The following CERKL variants were observed in gnomAD, a reference collection of about 807,000 sequenced individuals.
CERKL encodes CERK like autophagy regulator.
In CERKL, 61 loss-of-function variants were observed where a neutral mutation model predicts 63.4. The observed-to-expected ratio is 0.96, with a 90% CI of 0.78 to 1.19. The LOEUF (loss-of-function observed/expected upper bound fraction) is 1.19. Ranked by LOEUF, CERKL falls within the 50% of genes most tolerant of loss-of-function variation. The pLI is 0.00. For synonymous variants in CERKL, 250 were observed against 230.5 expected, an observed-to-expected ratio of 1.08 and a Z score of -0.77; for missense variants, 675 against 655.5, an observed-to-expected ratio of 1.03 and a Z score of -0.33.
At chr2:181,557,751 A>T (rs1483948137) in intron 5 of CERKL, among the ~76,000 whole-genome samples, 1 of 152,152 alleles carries the variant, frequency 6.6e-6, no homozygotes, top group Admixed American at 6.6e-5. Flanking sequence ...GGCATGTAGG[A>T]GCCTCCATGG....
At chr2:181,627,607 C>A (rs1485843297) in intron 1 of CERKL, among the ~76,000 whole-genome samples, 1 of 152,158 alleles carries the variant, frequency 6.6e-6, no homozygotes, top group African/African-American at 2.4e-5. Context: ...ATGAGTATTT[C>A]TTTTGACGAA....
At chr2:181,565,302 A>C in intron 4 of CERKL, 1 of 688,722 alleles carries the variant, frequency 1.5e-6, no homozygotes, top group Non-Finnish European at 2.6e-6. Context: ...TTAAATTCTC[A>C]AATATCTACT....
intron 1 of CERKL, among the ~76,000 whole-genome samples, chr2:181,654,258 A>G (rs1336542052): frequency 2.0e-5 from 3 of 152,122 alleles, no homozygotes; most frequent in Admixed American, 1.3e-4. Flanking sequence ...GGGAAGGGTA[A>G]TAACACATCC....
chr2:181,608,912 G>A (rs1685836170), intron 1 of CERKL, among the ~76,000 whole-genome samples: 1 of 152,022 alleles, frequency 6.6e-6, no homozygotes, highest in African/African-American at 2.4e-5. Context: ...CTACACCCAA[G>A]AAGAAGGTAT....
In CERKL at chr2:181,594,188, C is replaced by T. The variant is rs148706266; in HGVS notation, c.481+9649G>A. On this transcript the variant is annotated intron_variant, in intron 2 of 12. Coordinates refer to ENST00000410087, the MANE Select transcript of CERKL (RefSeq NM_201548.5). ...GAAATAAAAAATAAAATTTATTGAA[C>T]ACTTATTATATGTGAAACTCTGTTT... Among the ~76,000 whole-genome samples, 73 of 152,270 alleles carry T rather than the reference C, an allele frequency of 4.8e-4. No homozygotes were observed. The East Asian group carries it at 0.013, about 27-fold the overall frequency.
intron 1 of CERKL, among the ~76,000 whole-genome samples, chr2:181,625,038 G>A (rs1359237324): frequency 1.3e-5 from 2 of 152,218 alleles, no homozygotes; most frequent in East Asian, 3.9e-4. Context: ...TCCAACCAGA[G>A]AAAACAGAAA....
intron 2 of CERKL, among the ~76,000 whole-genome samples, chr2:181,583,199 G>C (rs1684609533): frequency 6.6e-6 from 1 of 151,540 alleles, no homozygotes; most frequent in African/African-American, 2.4e-5. Context: ...TCTCCATGTT[G>C]CCATCCCTAA....
In CERKL at chr2:181,657,088, C is replaced by G. The variant is rs938552084; in HGVS notation, c.-82G>C. The G allele has an allele frequency of 1.0e-5, 13 of 1,295,436 alleles. No homozygotes were observed. The highest frequency in any genetic ancestry group is 1.3e-5 in the Non-Finnish European group (12 of 920,424). The allele number at this position is 1,295,436 out of a possible 1,614,324, so 80.2% of individuals were successfully genotyped here. On this transcript the variant is annotated 5_prime_UTR_variant, in exon 1 of 13. Coordinates refer to ENST00000410087, the MANE Select transcript of CERKL (RefSeq NM_201548.5). ...GGTGGAGGGCGCGGCAGCCCCAGCT[C>G]TAGCCGCGTCCAGCGCTGCCACAGC...
Position 181,550,314 on chromosome 2 carries a change from A to T in CERKL, c.821-606T>A, listed in dbSNP as rs893001961. Among the ~76,000 whole-genome samples the T allele has an allele frequency of 1.6e-4, 24 of 152,272 alleles. 1 individual carries two copies. In the Middle Eastern group the frequency reaches 0.01, roughly 65 times the overall value. On this transcript the variant is annotated intron_variant, in intron 5 of 12. Coordinates refer to ENST00000410087, the MANE Select transcript of CERKL (RefSeq NM_201548.5). The surrounding 1 kb of genome is among the most constrained non-coding windows in gnomAD (Gnocchi z 4.5). ...TCCCATGTATGAAGATTTGTATTTG[A>T]AACATTATGATTTCTGATTTTCATG...
At chr2:181,579,163 G>A (rs1232923034) in intron 2 of CERKL, among the ~76,000 whole-genome samples, 1 of 151,912 alleles carries the variant, frequency 6.6e-6, no homozygotes, top group African/African-American at 2.4e-5. Flanking sequence ...TAAGTTAATT[G>A]AGATAATTAA....
chr2:181,553,946 T>C (rs1375799866), intron 5 of CERKL, among the ~76,000 whole-genome samples: 1 of 152,228 alleles, frequency 6.6e-6, no homozygotes, highest in East Asian at 1.9e-4. Context: ...TAAATAACAA[T>C]GGCGTAATTT....
In CERKL at chr2:181,582,167, T is replaced by C. The variant is rs1388779416; in HGVS notation, c.482-8283A>G. Among the ~76,000 whole-genome samples, 7 of 152,338 alleles carry C rather than the reference T, an allele frequency of 4.6e-5. No individual in the cohort carries two copies. In the East Asian group the frequency reaches 5.8e-4, roughly 13 times the overall value. On this transcript the variant is annotated intron_variant, in intron 2 of 12. Coordinates refer to ENST00000410087, the MANE Select transcript of CERKL (RefSeq NM_201548.5). The stretch of plus-strand genomic sequence containing the variant: ...ACATCAATCCCTTGGCCATCACACC[T>C]TGACAATTAGTATCAACTGATTAAA...
intron 2 of CERKL, among the ~76,000 whole-genome samples, chr2:181,597,747 C>G (rs1685280202): frequency 6.6e-6 from 1 of 152,154 alleles, no homozygotes; most frequent in Admixed American, 6.5e-5. Flanking sequence ...CTGCTCTGCC[C>G]AGGGATTCTC....
intron 1 of CERKL, among the ~76,000 whole-genome samples, chr2:181,624,956 G>T (rs1403938102): frequency 6.6e-6 from 1 of 152,140 alleles, no homozygotes; most frequent in African/African-American, 2.4e-5. Flanking sequence ...CAGAGGAGAG[G>T]TCTAGACTAG....
intron 2 of CERKL, among the ~76,000 whole-genome samples, chr2:181,590,613 T>C (rs1684953303): frequency 6.6e-6 from 1 of 152,100 alleles, no homozygotes; most frequent in African/African-American, 2.4e-5. Flanking sequence ...TTATGGAATA[T>C]GGGAAAATAA....
In CERKL at chr2:181,655,288, T is replaced by C. The variant is rs553503833; in HGVS notation, c.238+1481A>G. The stretch of plus-strand genomic sequence containing the variant: ...TTCTCATGTCATTGTTTGCTTTTTT[T>C]GTACACAAATACTGCAACATTGGTT... On this transcript the variant is annotated intron_variant, in intron 1 of 12. Transcript: ENST00000410087. 2.0e-5 allele frequency among the ~76,000 whole-genome samples: 3 copies of C among 152,374 alleles called. No individual in the cohort carries two copies. The East Asian group carries it at 5.8e-4, about 29-fold the overall frequency.
chr2:181,623,636 C>T (rs1686553820), intron 1 of CERKL, among the ~76,000 whole-genome samples: 1 of 152,140 alleles, frequency 6.6e-6, no homozygotes, highest in South Asian at 2.1e-4. Flanking sequence ...TCCTTGACTA[C>T]CCAATAAATA....
chr2:181,537,531 T>TTAAC lies in CERKL; in HGVS notation c.*649_*652dup. The TTAAC allele has an allele frequency of 2.2e-6, 1 of 448,618 alleles. No homozygotes were observed. The highest frequency in any genetic ancestry group is 4.5e-6 in the Non-Finnish European group (1 of 223,454). The allele number at this position is 448,618 out of a possible 1,614,324, so 27.8% of individuals were successfully genotyped here. The stretch of plus-strand genomic sequence containing the variant: ...CTATATAACTATGTGATTTTGAAAT[T>TTAAC]TAACTGCTCTGGATTAGGGAGCAGT... On this transcript the variant is annotated 3_prime_UTR_variant, in exon 13 of 13. Transcript: ENST00000410087.
chr2:181,593,688 G>C (rs1321549283), intron 2 of CERKL, among the ~76,000 whole-genome samples: 1 of 151,970 alleles, frequency 6.6e-6, no homozygotes, highest in East Asian at 1.9e-4. Flanking sequence ...TTCACAGCTT[G>C]ATGGCTTTCC....
Sources: allele counts gnomAD v4.1 joint callset (sites outside exome capture counted in the v4.1 genomes callset), GRCh38; gene constraint gnomAD v4.1.1; non-coding constraint Gnocchi (gnomAD v3.1); transcripts MANE v1.5; gene names NCBI Gene and HGNC (gene_info 2026-07-23, HGNC 2026-07-21).